The following NPM1 variants were observed in gnomAD, a reference collection of about 807,000 sequenced individuals.
NPM1 encodes nucleophosmin.
Under a neutral mutation model 44.1 loss-of-function variants are expected in NPM1, and 1 was observed. The ratio of observed to expected loss-of-function variants is 0.02; its 90% CI spans 0.01 to 0.11. The LOEUF is 0.11. Among genes scored for constraint, NPM1 ranks in the 10% least tolerant of loss-of-function variants. The pLI, the probability that NPM1 is intolerant of heterozygous loss-of-function variation, is 1.00. For missense variants in NPM1, 197 were observed against 347.8 expected (o/e 0.57, Z 3.45); for synonymous variants, 126 against 111.8 (o/e 1.13, Z -0.80).
At chr5:171,395,501 T>C (rs1288331095) in intron 6 of NPM1, among the ~76,000 whole-genome samples, 1 of 152,134 alleles carries the variant, frequency 6.6e-6, no homozygotes, top group Non-Finnish European at 1.5e-5. Flanking sequence ...GGTTTCACCA[T>C]GTTGGCCAAG....
At chr5:171,388,076 G>A (rs1214589859) in intron 1 of NPM1, 70 bp downstream of exon 1, 39 of 1,184,690 alleles carry the variant, frequency 3.3e-5, no homozygotes, top group Admixed American at 1.6e-4. Flanking sequence ...GGTGAGGGGC[G>A]GGAATCCGGC....
chr5:171,394,751 A>G (rs181447694), intron 6 of NPM1, among the ~76,000 whole-genome samples: 1 of 152,362 alleles, frequency 6.6e-6, no homozygotes, highest in East Asian at 1.9e-4. Flanking sequence ...CCTTTGTACA[A>G]GTTTATAAAA....
At chr5:171,401,364 C>T (rs1561871918) in intron 8 of NPM1, among the ~76,000 whole-genome samples, 1 of 151,392 alleles carries the variant, frequency 6.6e-6, no homozygotes, top group African/African-American at 2.4e-5. Flanking sequence ...AAAAAAAAAT[C>T]AGCTTGTTGT....
At chr5:171,410,070 A>G (rs1771749142) in intron 10 of NPM1, among the ~76,000 whole-genome samples, 1 of 152,236 alleles carries the variant, frequency 6.6e-6, no homozygotes, top group Admixed American at 6.5e-5. Context: ...TGTAGGGATT[A>G]CAGGCGTGAG....
chr5:171,410,509 C>CTTTTT lies in NPM1; in HGVS notation c.847-9_847-5dup. The CTTTTT allele has an allele frequency of 8.1e-7, 1 of 1,229,934 alleles. No individual in the cohort carries two copies. Among genetic ancestry groups the CTTTTT allele is most frequent in the Non-Finnish European group, 1.1e-6 (1 of 896,280 alleles). 76.2% of individuals were successfully genotyped at this position (1,229,934 alleles called of 1,614,324 possible). On this transcript the variant is annotated splice_polypyrimidine_tract_variant and intron_variant, in intron 10 of 10. Transcript: ENST00000296930. ...GTGTTGTGGTTCCTTAACCACATTT[C>CTTTTT]TTTTTTTTTTTTTCCAGGCTATTCA...
intron 1 of NPM1, 67 bp from the exon 2 acceptor site, chr5:171,389,984 G>A: frequency 1.1e-6 from 1 of 947,946 alleles, no homozygotes; most frequent in South Asian, 1.5e-5. Context: ...GACCTTTTTG[G>A]TTACCCACAC....
At position 171,391,436 on chromosome 5, in the gene NPM1, T is replaced by G; in HGVS notation, c.258+12T>G. The G allele has an allele frequency of 5.6e-6, 9 of 1,605,570 alleles. No homozygotes were observed. Among genetic ancestry groups the G allele is most frequent in the Non-Finnish European group, 7.6e-6 (9 of 1,179,736 alleles). ...CTGTACAGCCAACGGTAAGGGCACT[T>G]ACATACTTTGGATGTTGTGTCAAGG... On this transcript the variant is annotated intron_variant, in intron 3 of 10. Coordinates refer to ENST00000296930, the MANE Select transcript of NPM1 (RefSeq NM_002520.7).
chr5:171,393,874 C>T (rs1016540878), intron 6 of NPM1, among the ~76,000 whole-genome samples: 4 of 152,052 alleles, frequency 2.6e-5, no homozygotes, highest in Admixed American at 1.3e-4. Flanking sequence ...GGTTCACACC[C>T]GTAATCCTAA....
At chr5:171,405,211 TGA>T in intron 8 of NPM1, 89 bp from the exon 9 acceptor site, 1 of 663,972 alleles carries the variant, frequency 1.5e-6, no homozygotes, top group Non-Finnish European at 2.7e-6. Context: ...GGGAGTTTTG[TGA>T]GAATATTTGA....
chr5:171,399,074 C>G (rs1224310153), intron 6 of NPM1, among the ~76,000 whole-genome samples: 1 of 152,118 alleles, frequency 6.6e-6, no homozygotes, highest in African/African-American at 2.4e-5. Flanking sequence ...GTCTCAAACT[C>G]CTGACCTCAG....
intron 2 of NPM1, 57 bp downstream of exon 2, chr5:171,390,187 T>C (rs892771357): frequency 9.9e-7 from 1 of 1,006,094 alleles, no homozygotes; most frequent in Admixed American, 2.8e-5. Context: ...CCTTTTAGTT[T>C]CTATTCATGT....
At chr5:171,405,683 A>C in intron 9 of NPM1, 1 of 374,314 alleles carries the variant, frequency 2.7e-6, no homozygotes, top group Non-Finnish European at 4.8e-6. Context: ...GTTAAAATAG[A>C]TCAGTGAAAA....
intron 6 of NPM1, among the ~76,000 whole-genome samples, chr5:171,395,579 A>G (rs1015198764): frequency 2.6e-5 from 4 of 152,188 alleles, no homozygotes; most frequent in Admixed American, 6.5e-5. Flanking sequence ...AAGTTTTCAT[A>G]TAAGTTGAAG....
At chr5:171,388,077 G>T in intron 1 of NPM1, 71 bp downstream of exon 1, 1 of 1,181,520 alleles carries the variant, frequency 8.5e-7, no homozygotes, top group South Asian at 1.2e-5. Flanking sequence ...GTGAGGGGCG[G>T]GAATCCGGCT....
At position 171,405,507 on chromosome 5, in the gene NPM1, A is replaced by G; in HGVS notation, c.771+104A>G. ...CTTGTTTTTTTGTTTGTTTTGGTTTAATATACTTGCCTGGTTCGTGGTATG... is the reference window on the plus strand; with the variant it reads ...CTTGTTTTTTTGTTTGTTTTGGTTTGATATACTTGCCTGGTTCGTGGTATG... On this transcript the variant is annotated intron_variant, in intron 9 of 10. Transcript: ENST00000296930. The G allele has an allele frequency of 7.4e-6, 5 of 675,770 alleles. No homozygotes were observed. In the South Asian group the frequency reaches 8.6e-5, roughly 12 times the overall value. 41.9% of individuals were successfully genotyped at this position (675,770 alleles called of 1,614,324 possible).
At chr5:171,388,153 A>G in intron 1 of NPM1, 147 bp downstream of exon 1, 1 of 747,034 alleles carries the variant, frequency 1.3e-6, no homozygotes, top group Non-Finnish European at 2.2e-6. Flanking sequence ...GAGCTGCCTG[A>G]GCCCTGGACC....
chr5:171,408,363 G>A (rs1396232853), intron 10 of NPM1, among the ~76,000 whole-genome samples: 1 of 152,130 alleles, frequency 6.6e-6, no homozygotes, highest in Non-Finnish European at 1.5e-5. Flanking sequence ...ATAAGTGTAA[G>A]GACAATGTAA....
intron 4 of NPM1, 94 bp downstream of exon 4, chr5:171,391,893 A>G (rs3830032): frequency 0.33 from 213,519 of 647,718 alleles, 37,802 homozygotes; most frequent in East Asian, 0.44. Flanking sequence ...GTATAGTACT[A>G]CTGTCTTTTT....
chr5:171,400,315 C>CATCTCATACTGAGGGAGATA, intron 7 of NPM1, 105 bp downstream of exon 7: 2 of 1,398,818 alleles, frequency 1.4e-6, no homozygotes, highest in South Asian at 1.2e-5. Flanking sequence ...TGTGGGAGAT[C>CATCTCATACTGAGGGAGATA]ATCTCATACT....
Sources: allele counts gnomAD v4.1 joint callset (sites outside exome capture counted in the v4.1 genomes callset), GRCh38; gene constraint gnomAD v4.1.1; transcripts MANE v1.5; gene names NCBI Gene and HGNC (gene_info 2026-07-23, HGNC 2026-07-21).